HJURP: variants seen among roughly 807,000 people sequenced by gnomAD.
HJURP encodes Holliday junction recognition protein.
In HJURP, 49 loss-of-function variants were observed where a neutral mutation model predicts 72.0. The observed-to-expected ratio is 0.68, with a 90% CI of 0.54 to 0.86. The LOEUF (loss-of-function observed/expected upper bound fraction) is 0.86. Ranked by LOEUF, HJURP falls within the 40% of genes least tolerant of loss-of-function variation. HJURP has a pLI of 0.00. For synonymous variants in HJURP, 357 were observed against 347.1 expected (o/e 1.03, Z -0.32); for missense variants, 908 against 936.3 (o/e 0.97, Z 0.39).
intron 8 of HJURP, among the ~76,000 whole-genome samples, chr2:233,839,512 G>A (rs1364857989): frequency 2.6e-5 from 4 of 151,928 alleles, no homozygotes; most frequent in African/African-American, 9.7e-5. Flanking sequence ...AAGGCCCCAG[G>A]GGGCTCAAGC....
intron 4 of HJURP, 106 bp from the exon 5 acceptor site, chr2:233,847,567 C>G: frequency 1.1e-6 from 1 of 944,048 alleles, no homozygotes; most frequent in Non-Finnish European, 1.7e-6. Flanking sequence ...CAGTAAAAAT[C>G]CCCATTGCTT....
chr2:233,841,868 C>T lies in HJURP; in HGVS notation c.912G>A (p.Arg304=), dbSNP rs564959031. ...NSRRRHRYKS[R]MNKTYCKGAR... Reference sequence around the variant, plus strand: ...CTCCTTTGCAATATGTTTTGTTCATCCTGCTCTTATATCTGTGCCTCCTCC... The same window carrying T: ...CTCCTTTGCAATATGTTTTGTTCATTCTGCTCTTATATCTGTGCCTCCTCC... Residue 304 remains arginine, a synonymous_variant, in exon 8 of 9, where the codon AGG becomes AGA. Coordinates refer to ENST00000411486, the MANE Select transcript of HJURP (RefSeq NM_018410.5). 73 of 1,614,196 alleles carry T rather than the reference C, an allele frequency of 4.5e-5. No homozygotes were observed. The highest frequency in any genetic ancestry group is 5.7e-5 in the Non-Finnish European group (67 of 1,180,032).
intron 4 of HJURP, among the ~76,000 whole-genome samples, chr2:233,848,639 AG>A (rs1705427259): frequency 1.3e-5 from 2 of 152,288 alleles, no homozygotes; most frequent in South Asian, 4.1e-4. Context: ...GCCTGTACTG[AG>A]GCGCAGAGCA....
rs1705207235 is a variant in HJURP at position 233,840,850 on chromosome 2, G to A, written c.1930C>T (p.Leu644=). ...CCCAGTAGACTTTTTCTGCACCCCA[G>A]GGGTGATGATGGCAACTTCTGGAAA... is the stretch of plus-strand genomic sequence containing the variant. ...QGFQKLPSSP[L]GCRKSLLGST... The change falls in exon 8 of 9, where the codon CTG becomes TTG. Residue 644 remains leucine (L), a synonymous_variant. Transcript: ENST00000411486. 6.2e-7 allele frequency: 1 copy of A among 1,614,130 alleles called. No homozygotes were observed. Among genetic ancestry groups the A allele is most frequent in the Non-Finnish European group, 8.5e-7 (1 of 1,180,030 alleles).
rs563161170 is a variant in HJURP, at chr2:233,837,549, A to G, written c.*28T>C. On this transcript the variant is annotated 3_prime_UTR_variant, in exon 9 of 9. Transcript: ENST00000411486. ...AAATACAAACAGAGAGCAAGTGGGAAGATAAATAACACTCCGAAATAACCT... is the reference window on the plus strand; with the variant it reads ...AAATACAAACAGAGAGCAAGTGGGAGGATAAATAACACTCCGAAATAACCT... 2.7e-6 allele frequency: 4 copies of G among 1,458,720 alleles called. No individual in the cohort carries two copies. Among genetic ancestry groups the G allele is most frequent in the South Asian group, 1.2e-5 (1 of 85,834 alleles). The allele number at this position is 1,458,720 out of a possible 1,614,324, so 90.4% of individuals were successfully genotyped here.
chr2:233,852,810 A>C (rs1246860607), intron 2 of HJURP, among the ~76,000 whole-genome samples, 190 bp from the exon 3 acceptor site: 1 of 152,216 alleles, frequency 6.6e-6, no homozygotes, highest in African/African-American at 2.4e-5. Context: ...TTCGTCATTC[A>C]TGGAAATCTC....
intron 6 of HJURP, 121 bp downstream of exon 6, chr2:233,845,607 A>T: frequency 1.6e-6 from 1 of 631,518 alleles, no homozygotes. Context: ...TTTGGAAATC[A>T]TTACTTCAAA....
At chr2:233,847,547 G>T (rs1705394202) in intron 4 of HJURP, 86 bp from the exon 5 acceptor site, 3 of 1,126,564 alleles carry the variant, frequency 2.7e-6, no homozygotes, top group Non-Finnish European at 4.0e-6. Flanking sequence ...ATCACTTCGA[G>T]TAAGTTGTAC....
chr2:233,847,230 A>T (rs927923192), intron 5 of HJURP, among the ~76,000 whole-genome samples, 167 bp downstream of exon 5: 2 of 152,188 alleles, frequency 1.3e-5, no homozygotes, highest in Non-Finnish European at 2.9e-5. Context: ...GCTGAAGGGA[A>T]TCGACACGAG....
chr2:233,839,845 A>G (rs1705176635), intron 8 of HJURP, among the ~76,000 whole-genome samples: 1 of 152,184 alleles, frequency 6.6e-6, no homozygotes, highest in Non-Finnish European at 1.5e-5. Context: ...CAAAACCCAA[A>G]GGAACCGGCC....
rs1477556826 is a variant in HJURP at position 233,840,719 on chromosome 2, T to A, written c.2061A>T (p.Glu687Asp). The change falls in exon 8 of 9, where the codon GAA (glutamate) becomes GAT (aspartate). Residue 687 changes from glutamate to aspartate, a missense_variant. By Grantham distance (45) the Glu-to-Asp change is conservative (BLOSUM62 2). Coordinates refer to ENST00000411486, the MANE Select transcript of HJURP (RefSeq NM_018410.5). ...QFPAKRPRLS[E>D]PQGSGRQGNS... Reference sequence around the variant, plus strand: ...TGCCCTGGCGTCCGGAGCCCTGGGGTTCTGATAGCCTGGGTCTTTTTGCAG... The same window carrying A: ...TGCCCTGGCGTCCGGAGCCCTGGGGATCTGATAGCCTGGGTCTTTTTGCAG... The A allele has an allele frequency of 1.6e-5, 26 of 1,613,816 alleles. No homozygotes were observed. Among genetic ancestry groups the A allele is most frequent in the Non-Finnish European group, 2.2e-5 (26 of 1,180,000 alleles).
intron 4 of HJURP, among the ~76,000 whole-genome samples, chr2:233,848,926 G>T (rs149604110): frequency 1.3e-5 from 2 of 152,296 alleles, no homozygotes; most frequent in East Asian, 3.9e-4. Flanking sequence ...GAGGAGCATG[G>T]GGCCGAGGAG....
chr2:233,853,474 T>C (rs1458846277), intron 2 of HJURP, among the ~76,000 whole-genome samples: 3 of 152,200 alleles, frequency 2.0e-5, no homozygotes, highest in South Asian at 2.1e-4. Flanking sequence ...CACAGTTTCA[T>C]AGGGATTGTA....
rs572909505 is a variant in HJURP at position 233,854,287 on chromosome 2, G to A, written c.117+97C>T. ...GTCCCGCTTCCCCAACCCCCGCTCC[G>A]AGTCCTCAGAGCCCCTTCCCTTCCC... On this transcript the variant is annotated intron_variant, in intron 1 of 8. Transcript: ENST00000411486. 5.4e-4 allele frequency: 420 copies of A among 780,530 alleles called. 1 individual carries two copies. The African/African-American group carries it at 6.5e-3, about 12-fold the overall frequency. The allele number at this position is 780,530 out of a possible 1,614,324, so 48.4% of individuals were successfully genotyped here.
chr2:233,837,455 C>G lies in HJURP; in HGVS notation c.*122G>C. Reference sequence around the variant, plus strand: ...GTTATCTCTGATGGAACCAATTTCACTAATATTTACTTTAAGGGCAGAGAA... The same window carrying G: ...GTTATCTCTGATGGAACCAATTTCAGTAATATTTACTTTAAGGGCAGAGAA... On this transcript the variant is annotated 3_prime_UTR_variant, in exon 9 of 9. Coordinates refer to ENST00000411486, the MANE Select transcript of HJURP (RefSeq NM_018410.5). The G allele has an allele frequency of 2.9e-6, 2 of 692,480 alleles. No homozygotes were observed. Among genetic ancestry groups the G allele is most frequent in the Non-Finnish European group, 5.1e-6 (2 of 391,126 alleles). 42.9% of individuals were successfully genotyped at this position (692,480 alleles called of 1,614,324 possible).
Position 233,841,745 on chromosome 2 carries a change from A to G in HJURP, c.1035T>C (p.Asp345=), listed in dbSNP as rs1230958416. The G allele has an allele frequency of 2.5e-6, 4 of 1,614,078 alleles. No individual in the cohort carries two copies. The highest frequency in any genetic ancestry group is 1.3e-5 in the African/African-American group (1 of 74,924). The change falls in exon 8 of 9, where the codon GAT becomes GAC. Residue 345 remains aspartate (D), a synonymous_variant. Coordinates refer to ENST00000411486, the MANE Select transcript of HJURP (RefSeq NM_018410.5). ...GALRDCKNVL[D]VSCRKTGLKL... Reference sequence around the variant, plus strand: ...TTAAACCTGTCTTACGGCAAGAAACATCTAATACGTTCTTGCAATCTCTTA... The same window carrying G: ...TTAAACCTGTCTTACGGCAAGAAACGTCTAATACGTTCTTGCAATCTCTTA...
At chr2:233,842,866 G>A (rs748742414) in intron 7 of HJURP, among the ~76,000 whole-genome samples, 4 of 152,180 alleles carry the variant, frequency 2.6e-5, no homozygotes, top group Non-Finnish European at 4.4e-5. Flanking sequence ...AACTCACTGC[G>A]GCTGGTGAGA....
chr2:233,850,455 C>T (rs987951545), intron 3 of HJURP, among the ~76,000 whole-genome samples: 1 of 152,176 alleles, frequency 6.6e-6, no homozygotes, highest in Admixed American at 6.5e-5. Context: ...GCAGGCCCCA[C>T]GAATAATCCC....
At chr2:233,838,793 A>G (rs1194022155) in intron 8 of HJURP, among the ~76,000 whole-genome samples, 1 of 152,190 alleles carries the variant, frequency 6.6e-6, no homozygotes, top group Non-Finnish European at 1.5e-5. Flanking sequence ...GCCTCCATGA[A>G]GTGTCTGCCA....
Sources: gnomAD v4.1 joint callset for allele counts (sites outside exome capture counted in the v4.1 genomes callset) on GRCh38, gnomAD v4.1.1 for gene constraint, MANE v1.5 for transcripts, NCBI Gene and HGNC (gene_info 2026-07-23, HGNC 2026-07-21) for gene names.